Variants in HEXB observed in about 807,000 individuals in gnomAD.
The protein encoded by HEXB is hexosaminidase subunit beta.
In HEXB, 51 loss-of-function variants were observed where a neutral mutation model predicts 71.2. That is an observed-to-expected ratio of 0.72 (90% confidence interval 0.57 to 0.90). The LOEUF (loss-of-function observed/expected upper bound fraction) is 0.90, where lower values mean the gene tolerates loss of function less well. Among genes scored for constraint, HEXB ranks in the 40% least tolerant of loss-of-function variants. HEXB has a pLI of 0.00. For missense variants in HEXB, 617 were observed against 677.0 expected (o/e 0.91, Z 0.98); for synonymous variants, 266 against 249.3 (o/e 1.07, Z -0.63).
rs2112184887 is a variant in HEXB, at chr5:74,720,355, CA to C, written c.1418-70del. The C allele has an allele frequency of 6.1e-6, 7 of 1,144,052 alleles. No homozygotes were observed. The East Asian group carries it at 1.6e-4, about 27-fold the overall frequency. 70.9% of individuals were successfully genotyped at this position (1,144,052 alleles called of 1,614,324 possible). On this transcript the variant is annotated intron_variant, in intron 11 of 13. Transcript: ENST00000261416. ...TGCCCTAGGATAAAGATGGAGGAAA[CA>C]AATCTTGATGAAATATTGCCTCTGT...
chr5:74,664,881 T>A (rs1580366530), intron 1 of HEXB, among the ~76,000 whole-genome samples: 1 of 152,196 alleles, frequency 6.6e-6, no homozygotes, highest in East Asian at 1.9e-4. Flanking sequence ...ACCTAGCACC[T>A]GCAGGAAAAC....
At chr5:74,664,304 G>A (rs1748390533) in intron 1 of HEXB, among the ~76,000 whole-genome samples, 1 of 151,582 alleles carries the variant, frequency 6.6e-6, no homozygotes. Flanking sequence ...GTGCACCCCT[G>A]TAGTCCCAGC....
intron 5 of HEXB, among the ~76,000 whole-genome samples, chr5:74,702,746 T>C (rs1749293388): frequency 6.6e-6 from 1 of 152,254 alleles, no homozygotes; most frequent in Non-Finnish European, 1.5e-5. Flanking sequence ...CATCCACAGA[T>C]GATTCTTGCC....
intron 5 of HEXB, among the ~76,000 whole-genome samples, 194 bp from the exon 6 acceptor site, chr5:74,705,025 A>G (rs1189726794): frequency 1.3e-5 from 2 of 151,254 alleles, no homozygotes; most frequent in Non-Finnish European, 2.9e-5. Flanking sequence ...CTGGGAGGTC[A>G]AGGCTGCAGT....
chr5:74,664,484 G>A (rs1057087033), intron 1 of HEXB, among the ~76,000 whole-genome samples: 1 of 147,044 alleles, frequency 6.8e-6, no homozygotes, highest in Non-Finnish European at 1.5e-5. Context: ...AATAGATGGC[G>A]CTGTTAACCA....
intron 5 of HEXB, among the ~76,000 whole-genome samples, chr5:74,704,121 G>A (rs978792124): frequency 6.6e-6 from 1 of 152,182 alleles, no homozygotes; most frequent in Non-Finnish European, 1.5e-5. Context: ...TATGTAAAAT[G>A]TTTACCAACC....
chr5:74,698,179 G>T (rs1434264508), intron 5 of HEXB, among the ~76,000 whole-genome samples: 1 of 151,778 alleles, frequency 6.6e-6, no homozygotes, highest in Non-Finnish European at 1.5e-5. Flanking sequence ...ACAGGTTCAA[G>T]CAATTCTCCT....
chr5:74,693,895 G>A (rs1349488383), intron 3 of HEXB, among the ~76,000 whole-genome samples, 191 bp downstream of exon 3: 4 of 152,170 alleles, frequency 2.6e-5, no homozygotes, highest in Non-Finnish European at 5.9e-5. Context: ...AGTGGCTCAC[G>A]CCTGTAATCC....
intron 1 of HEXB, among the ~76,000 whole-genome samples, chr5:74,674,604 A>AG (rs1354712012): frequency 2.3e-5 from 3 of 128,178 alleles, no homozygotes; most frequent in Non-Finnish European, 5.2e-5. Context: ...ACTCTGTCTC[A>AG]GAAAAAAAAA....
At chr5:74,643,870 C>A (rs1317178365) in intron 1 of HEXB, among the ~76,000 whole-genome samples, 1 of 152,220 alleles carries the variant, frequency 6.6e-6, no homozygotes, top group Non-Finnish European at 1.5e-5. Flanking sequence ...CAGACATGTT[C>A]CCTGCTGGTA....
rs1417885487 is a variant in HEXB, at chr5:74,713,528, T to C, written c.794T>C (p.Val265Ala). ...SNKGSYSLSH[V>A]YTPNDVRMVI... ...CAGGGAAGCTATTCTTTGTCTCATG[T>C]TTATACACCAAATGATGTCCGTATG... The change falls in exon 7 of 14, where the codon GTT becomes GCT. Residue 265 changes from valine to alanine, a missense_variant. Transcript: ENST00000261416. 3 of 1,611,680 alleles carry C rather than the reference T, an allele frequency of 1.9e-6. No homozygotes were observed. Among genetic ancestry groups the C allele is most frequent in the East Asian group, 2.2e-5 (1 of 44,872 alleles).
chr5:74,661,509 CTCTCTG>C (rs1341764367), intron 1 of HEXB, among the ~76,000 whole-genome samples: 31 of 71,434 alleles, frequency 4.3e-4, no homozygotes, highest in African/African-American at 7.7e-4. Flanking sequence ...CATTTTCTCT[CTCTCTG>C]TGTGTGTGTG....
intron 1 of HEXB, among the ~76,000 whole-genome samples, chr5:74,666,792 T>C (rs1361895892): frequency 6.6e-6 from 1 of 152,100 alleles, no homozygotes; most frequent in Non-Finnish European, 1.5e-5. Context: ...AGCTTCACTC[T>C]TCTGAAGCTA....
At chr5:74,700,444 A>T (rs1476433380) in intron 5 of HEXB, among the ~76,000 whole-genome samples, 3 of 151,864 alleles carry the variant, frequency 2.0e-5, no homozygotes, top group East Asian at 1.9e-4. Context: ...TCTTATTTTT[A>T]AAATTTAATT....
rs184113006 is a variant in HEXB at position 74,657,270 on chromosome 5, G to A, written c.-377+16712G>A. Among the ~76,000 whole-genome samples the A allele has an allele frequency of 1.6e-4, 24 of 152,200 alleles. 1 individual carries two copies. In the East Asian group the frequency reaches 4.6e-3, roughly 29 times the overall value. On this transcript the variant is annotated intron_variant, in intron 1 of 13. Coordinates refer to the HEXB transcript ENST00000511181. The stretch of plus-strand genomic sequence containing the variant: ...TCTCATCTCTGTTCCAGCCACACTG[G>A]CTGCCCTGTTTGTCCCCAGATACCC...
At chr5:74,691,608 C>T (rs1250491091) in intron 2 of HEXB, among the ~76,000 whole-genome samples, 1 of 152,126 alleles carries the variant, frequency 6.6e-6, no homozygotes, top group Non-Finnish European at 1.5e-5. Flanking sequence ...TATCAACACA[C>T]GTGCAGGAAC....
chr5:74,647,787 T>C (rs1180266832), intron 1 of HEXB, among the ~76,000 whole-genome samples: 1 of 152,244 alleles, frequency 6.6e-6, no homozygotes, highest in African/African-American at 2.4e-5. Flanking sequence ...TCAGTTTTCA[T>C]ACCCACAGTT....
chr5:74,681,265 T>G (rs942337181), upstream of HEXB, among the ~76,000 whole-genome samples: 2 of 152,220 alleles, frequency 1.3e-5, no homozygotes, highest in African/African-American at 4.8e-5. Context: ...GAGACATTTA[T>G]GTTTTTTACC....
chr5:74,644,694 TA>T (rs1464853376), intron 1 of HEXB, among the ~76,000 whole-genome samples: 1 of 151,362 alleles, frequency 6.6e-6, no homozygotes, highest in South Asian at 2.1e-4. Context: ...CTTTGTGCGT[TA>T]AAAAAAGTTA....
Sources: allele counts gnomAD v4.1 joint callset (sites outside exome capture counted in the v4.1 genomes callset), GRCh38; gene constraint gnomAD v4.1.1; transcripts MANE v1.5; gene names NCBI Gene and HGNC (gene_info 2026-07-23, HGNC 2026-07-21).